Variants in HMGXB3 observed in about 807,000 individuals in gnomAD.
HMGXB3 encodes HMG domain-containing protein 3.
HMGXB3 carries 45 observed loss-of-function variants against 121.5 expected under a neutral mutation model. The ratio of observed to expected loss-of-function variants is 0.37; its 90% CI spans 0.29 to 0.47. The LOEUF is 0.47. Ranked by LOEUF, HMGXB3 falls within the 20% of genes least tolerant of loss-of-function variation. The pLI, the probability that HMGXB3 is intolerant of heterozygous loss-of-function variation, is 0.99. For synonymous variants in HMGXB3, 590 were observed against 624.1 expected, an observed-to-expected ratio of 0.95 and a Z score of 0.81; for missense variants, 1,376 against 1,602.2, an observed-to-expected ratio of 0.86 and a Z score of 2.41.
At chr5:150,007,884 A>C (rs757489469) in intron 3 of HMGXB3, among the ~76,000 whole-genome samples, 12 of 151,996 alleles carry the variant, frequency 7.9e-5, no homozygotes, top group South Asian at 4.1e-4. Context: ...GCGAAACTCT[A>C]TCTCTACAAA....
At chr5:150,041,155 C>T (rs1756624292) in intron 14 of HMGXB3, among the ~76,000 whole-genome samples, 1 of 152,220 alleles carries the variant, frequency 6.6e-6, no homozygotes, top group South Asian at 2.1e-4. Flanking sequence ...GACTTGGCCC[C>T]ATTGCATGTT....
intron 4 of HMGXB3, among the ~76,000 whole-genome samples, chr5:150,011,590 GTTGT>G (rs1755838523): frequency 2.1e-5 from 3 of 140,766 alleles, no homozygotes; most frequent in Admixed American, 1.3e-4. Flanking sequence ...GTTGTTGTTG[GTTGT>G]TTTTTTTTGG....
intron 13 of HMGXB3, among the ~76,000 whole-genome samples, chr5:150,037,978 T>G (rs748679515): frequency 6.6e-6 from 1 of 152,208 alleles, no homozygotes; most frequent in Non-Finnish European, 1.5e-5. Flanking sequence ...AACTTAGGGG[T>G]ACATTGTGGG....
chr5:150,006,344 A>G (rs980661571), intron 2 of HMGXB3, 129 bp from the exon 3 acceptor site: 4 of 651,440 alleles, frequency 6.1e-6, no homozygotes, highest in African/African-American at 5.4e-5. Context: ...TTGACTACCC[A>G]TATCTTAGCA....
At chr5:150,028,539 G>A (rs370708478) in intron 9 of HMGXB3, among the ~76,000 whole-genome samples, 2,544 of 52,714 alleles carry the variant, frequency 0.048, 109 homozygotes, top group African/African-American at 0.19. Flanking sequence ...GTGTGTGTGT[G>A]TGTATATATA....
Position 150,026,801 on chromosome 5 carries a change from C to G in HMGXB3, c.1556C>G (p.Ala519Gly). 1 of 1,547,354 alleles carries G rather than the reference C, an allele frequency of 6.5e-7. No individual in the cohort carries two copies. The highest frequency in any genetic ancestry group is 1.2e-5 in the South Asian group (1 of 83,378). ...SLLAAARPMR[A>G]ILPAPVNVGR... The stretch of plus-strand genomic sequence containing the variant: ...CTGGCTGCAGCAAGACCCATGAGAG[C>G]AATTTTGCCAGCCCCAGTTAACGTG... The change falls in exon 8 of 20, where the codon GCA becomes GGA. Residue 519 changes from alanine to glycine, a missense_variant. Physicochemically the swap from Ala to Gly is moderately conservative, Grantham distance 60 (BLOSUM62 0). This residue lies in a region of HMGXB3 where 1,116 missense variants were observed against 1,369.0 expected (regional missense o/e 0.82). Transcript: ENST00000502717.
chr5:150,014,103 A>G (rs1755905907), intron 5 of HMGXB3, among the ~76,000 whole-genome samples: 1 of 152,256 alleles, frequency 6.6e-6, no homozygotes, highest in Non-Finnish European at 1.5e-5. Flanking sequence ...GTGTCACTTT[A>G]TGGCCTGGTA....
In HMGXB3 at chr5:150,032,557, G is replaced by GT; in HGVS notation, c.1938dup (p.Val647CysfsTer2). 1 of 1,552,242 alleles carries GT rather than the reference G, an allele frequency of 6.4e-7. No individual in the cohort carries two copies. On this transcript the variant is annotated frameshift_variant, in exon 11 of 20. Coordinates refer to ENST00000502717, the MANE Select transcript of HMGXB3 (RefSeq NM_014983.3). LOFTEE classifies it high-confidence loss of function. ...AAACCTCGAATTTGTCCCAGCTGTG[G>GT]TGTTAACCTTGCCAAAGACCGGACT...
At chr5:150,006,433 C>T in intron 2 of HMGXB3, 40 bp from the exon 3 acceptor site, 1 of 1,517,150 alleles carries the variant, frequency 6.6e-7, no homozygotes, top group East Asian at 2.5e-5. Context: ...GCCAGCATTG[C>T]CATTACTGGG....
At chr5:150,043,546 T>G (rs531535447) in intron 15 of HMGXB3, among the ~76,000 whole-genome samples, 23 of 152,360 alleles carry the variant, frequency 1.5e-4, no homozygotes, top group South Asian at 1.0e-3. Flanking sequence ...TCCTGTCTTT[T>G]ACTTCCCAAG....
In HMGXB3 at chr5:150,052,661, G is replaced by A. The variant is rs1205731878; in HGVS notation, c.*469G>A. On this transcript the variant is annotated 3_prime_UTR_variant, in exon 20 of 20. Transcript: ENST00000502717. ...CTGTTGCCTTTGACTAGGGGCCTGG[G>A]TGGCCTCATTAACTCTAGGGGTCCC... 1 of 163,044 alleles carries A rather than the reference G, an allele frequency of 6.1e-6. No individual in the cohort carries two copies. Among genetic ancestry groups the A allele is most frequent in the Non-Finnish European group, 1.3e-5 (1 of 74,122 alleles). The allele number at this position is 163,044 out of a possible 1,614,324, so 10.1% of individuals were successfully genotyped here. A position where few individuals can be genotyped will look rare whatever the true frequency, so the allele number is the denominator to read the frequency against.
intron 9 of HMGXB3, among the ~76,000 whole-genome samples, chr5:150,028,121 G>T (rs576227298): frequency 6.6e-6 from 1 of 152,202 alleles, no homozygotes; most frequent in East Asian, 1.9e-4. Context: ...ATGAACATTG[G>T]TTCAGTCTGG....
chr5:150,015,316 T>C (rs1255754564), intron 5 of HMGXB3, among the ~76,000 whole-genome samples: 3 of 152,202 alleles, frequency 2.0e-5, no homozygotes, highest in Non-Finnish European at 4.4e-5. Context: ...GTAAATAAGG[T>C]TTCACTCTGT....
intron 9 of HMGXB3, 40 bp from the exon 10 acceptor site, chr5:150,030,701 T>A (rs1191366203): frequency 6.8e-7 from 1 of 1,467,478 alleles, no homozygotes; most frequent in Admixed American, 2.0e-5. Flanking sequence ...GGAGTTTGGC[T>A]AAGGTTCAAA....
chr5:150,033,536 T>C (rs1756429382), intron 11 of HMGXB3, among the ~76,000 whole-genome samples: 1 of 152,042 alleles, frequency 6.6e-6, no homozygotes, highest in Non-Finnish European at 1.5e-5. Context: ...AGTGTTCCAT[T>C]TGGCTGGAGG....
chr5:150,031,149 C>A (rs922582836), intron 10 of HMGXB3, among the ~76,000 whole-genome samples: 2 of 152,162 alleles, frequency 1.3e-5, no homozygotes, highest in African/African-American at 4.8e-5. Flanking sequence ...GTCTTGGAAC[C>A]TTTTAGCTTA....
intron 9 of HMGXB3, 43 bp downstream of exon 9, chr5:150,027,160 C>T: frequency 6.7e-7 from 1 of 1,484,788 alleles, no homozygotes; most frequent in African/African-American, 1.4e-5. Flanking sequence ...GAGGGTCTGG[C>T]TGCTTCCATG....
chr5:150,036,811 G>A lies in HMGXB3; in HGVS notation c.2159G>A (p.Arg720Gln), dbSNP rs1390082591. Residue 720 changes from arginine (R) to glutamine (Q), a missense_variant, in exon 12 of 20, where the codon CGA becomes CAA. By Grantham distance (43) the Arg-to-Gln change is conservative. This residue lies in a region of HMGXB3 where 1,116 missense variants were observed against 1,369.0 expected (regional missense o/e 0.82). Coordinates refer to ENST00000502717, the MANE Select transcript of HMGXB3 (RefSeq NM_014983.3). ...FALIHELNSS[R>Q]LILSNVSEET... ...TTGATTCATGAACTCAACAGCTCTC[G>A]ACTTATCTTGTCCAACGTGAGTGAG... is the stretch of plus-strand genomic sequence containing the variant. 7 of 1,551,582 alleles carry A rather than the reference G, an allele frequency of 4.5e-6. No individual in the cohort carries two copies. Among genetic ancestry groups the A allele is most frequent in the East Asian group, 2.4e-5 (1 of 40,934 alleles).
chr5:150,050,905 C>T (rs922254370), intron 19 of HMGXB3, among the ~76,000 whole-genome samples: 1 of 152,194 alleles, frequency 6.6e-6, no homozygotes, highest in African/African-American at 2.4e-5. Context: ...AGAAAGTTGC[C>T]ACCTTTGAGA....
Sources: gnomAD v4.1 joint callset for allele counts (sites outside exome capture counted in the v4.1 genomes callset) on GRCh38, gnomAD v4.1.1 for gene constraint, gnomAD v4.1.1 regional missense constraint, MANE v1.5 for transcripts, NCBI Gene and HGNC (gene_info 2026-07-23, HGNC 2026-07-21) for gene names.